FHIT: variants seen among roughly 807,000 people sequenced by gnomAD.
FHIT encodes the protein bis(5'-adenosyl)-triphosphatase.
A neutral mutation model predicts 17.9 loss-of-function variants in FHIT; 19 were observed. The ratio of observed to expected loss-of-function variants is 1.06; its 90% CI spans 0.74 to 1.56. The LOEUF (loss-of-function observed/expected upper bound fraction) is 1.56. FHIT is among the 40% of genes most tolerant of loss of function. The pLI is 0.00. For missense variants in FHIT, 248 were observed against 189.2 expected, an observed-to-expected ratio of 1.31 and a Z score of -1.82; for synonymous variants, 81 against 69.7, an observed-to-expected ratio of 1.16 and a Z score of -0.81.
In FHIT at chr3:60,296,032, C is replaced by T. The variant is rs910444029; in HGVS notation, c.103+240828G>A. On this transcript the variant is annotated intron_variant, in intron 5 of 9. Transcript: ENST00000492590. ...ATCTGATGGTTTTATAAGGAGTTTC[C>T]CCTTTCGCTTGGCTCATTCTTTCTC... Among the ~76,000 whole-genome samples, 5 of 152,170 alleles carry T rather than the reference C, an allele frequency of 3.3e-5. No individual in the cohort carries two copies. In the South Asian group the frequency reaches 1.0e-3, roughly 32 times the overall value.
chr3:60,000,344 A>G (rs1445348161), intron 7 of FHIT, among the ~76,000 whole-genome samples: 1 of 152,228 alleles, frequency 6.6e-6, no homozygotes, highest in African/African-American at 2.4e-5. Context: ...TTACAAATAA[A>G]GTTTTATTGG....
At position 60,143,138 on chromosome 3, in the gene FHIT, G is replaced by A. The variant is rs762140079; in HGVS notation, c.104-128986C>T. 2.6e-5 allele frequency among the ~76,000 whole-genome samples: 4 copies of A among 152,076 alleles called. No individual in the cohort carries two copies. The South Asian group carries it at 6.2e-4, about 24-fold the overall frequency. On this transcript the variant is annotated intron_variant, in intron 5 of 9. Coordinates refer to ENST00000492590, the MANE Select transcript of FHIT (RefSeq NM_002012.4). ...GAGTACAGTGATTTTGTTAGAGGCC[G>A]AGAACATAAGGAACTAAGGCCATGC...
intron 2 of FHIT, among the ~76,000 whole-genome samples, chr3:61,107,857 G>C (rs1481803738): frequency 6.6e-6 from 1 of 152,214 alleles, no homozygotes; most frequent in Non-Finnish European, 1.5e-5. Flanking sequence ...ATTGGTTGCA[G>C]CTGGGCGCTT....
rs569183944 is a variant in FHIT at position 60,132,958 on chromosome 3, T to C, written c.104-118806A>G. 6.6e-5 allele frequency among the ~76,000 whole-genome samples: 10 copies of C among 151,998 alleles called. No homozygotes were observed. The South Asian group carries it at 2.1e-3, about 31-fold the overall frequency. On this transcript the variant is annotated intron_variant, in intron 5 of 9. Transcript: ENST00000492590. ...AGATTACTGAAGACAAATGACATAC[T>C]GAAATAGCATCTAAAAGCGTTAATA... is the stretch of plus-strand genomic sequence containing the variant.
intron 4 of FHIT, among the ~76,000 whole-genome samples, chr3:60,814,660 A>G (rs1228046659): frequency 6.6e-6 from 1 of 152,160 alleles, no homozygotes; most frequent in Non-Finnish European, 1.5e-5. Context: ...TAGTGCTGTG[A>G]CAATGAACAT....
In FHIT at chr3:59,937,783, C is replaced by T. The variant is rs180941231; in HGVS notation, c.280-15369G>A. ...TGTGACTTCAACAAAATAAAACATTCGGCATAAATAGAATTTAGTGTAATC... is the reference window on the plus strand; with the variant it reads ...TGTGACTTCAACAAAATAAAACATTTGGCATAAATAGAATTTAGTGTAATC... On this transcript the variant is annotated intron_variant, in intron 7 of 9. Transcript: ENST00000492590. 1.5e-4 allele frequency among the ~76,000 whole-genome samples: 23 copies of T among 152,246 alleles called. No individual in the cohort carries two copies. The East Asian group carries it at 3.7e-3, about 24-fold the overall frequency.
intron 5 of FHIT, among the ~76,000 whole-genome samples, chr3:60,317,248 A>G (rs1709203052): frequency 6.6e-6 from 1 of 152,078 alleles, no homozygotes; most frequent in South Asian, 2.1e-4. Flanking sequence ...TCTACTTAAG[A>G]ACTTTTGAAA....
chr3:60,394,383 T>A lies in FHIT; in HGVS notation c.103+142477A>T, dbSNP rs528157519. On this transcript the variant is annotated intron_variant, in intron 5 of 9. Coordinates refer to ENST00000492590, the MANE Select transcript of FHIT (RefSeq NM_002012.4). ...TGCCCTGCCTCTCCTTACTTTCCAT[T>A]CTTTAAATCAAAAAACAGTACCTAC... Among the ~76,000 whole-genome samples the A allele has an allele frequency of 2.6e-5, 4 of 152,302 alleles. No individual in the cohort carries two copies. The South Asian group carries it at 8.3e-4, about 32-fold the overall frequency.
intron 5 of FHIT, among the ~76,000 whole-genome samples, chr3:60,047,249 T>TC (rs1701690962): frequency 6.6e-6 from 1 of 152,238 alleles, no homozygotes; most frequent in South Asian, 2.1e-4. Flanking sequence ...TAGAATGCTA[T>TC]CCACATTGTT....
intron 5 of FHIT, among the ~76,000 whole-genome samples, chr3:60,119,729 C>G (rs993401707): frequency 2.4e-4 from 36 of 152,262 alleles, no homozygotes; most frequent in Admixed American, 1.0e-3. Context: ...ACTGGTGACT[C>G]AATTTCTACC....
intron 5 of FHIT, among the ~76,000 whole-genome samples, chr3:60,414,826 G>T (rs145404986): frequency 1.3e-5 from 2 of 152,166 alleles, no homozygotes; most frequent in Non-Finnish European, 1.5e-5. Context: ...TATAAGTAAA[G>T]AAGATACCCT....
At chr3:61,186,277 A>C (rs1399308137) in intron 2 of FHIT, among the ~76,000 whole-genome samples, 1 of 152,180 alleles carries the variant, frequency 6.6e-6, no homozygotes, top group Non-Finnish European at 1.5e-5. Flanking sequence ...CCTGTACTCC[A>C]CTTACCCAGA....
At chr3:60,936,007 G>A (rs1263782423) in intron 3 of FHIT, among the ~76,000 whole-genome samples, 1 of 152,204 alleles carries the variant, frequency 6.6e-6, no homozygotes, top group East Asian at 1.9e-4. Context: ...CATACTGACA[G>A]AAACTTTTTT....
At chr3:61,023,598 ATAC>A (rs1365240691) in intron 3 of FHIT, among the ~76,000 whole-genome samples, 1 of 152,240 alleles carries the variant, frequency 6.6e-6, no homozygotes, top group African/African-American at 2.4e-5. Context: ...ATCTCAAACG[ATAC>A]TACAAGATTA....
chr3:60,102,619 G>C (rs1391593348), intron 5 of FHIT, among the ~76,000 whole-genome samples: 45 of 147,036 alleles, frequency 3.1e-4, no homozygotes, highest in Non-Finnish European at 5.5e-4. Flanking sequence ...TGTTAAATAA[G>C]AATAAAAAAA....
rs540425639 is a variant in FHIT, at chr3:60,152,478, G to C, written c.104-138326C>G. ...TACTTCCAGAAGGTCAAGAGATCAG[G>C]GTATGAATACCTAAGACATGTGTGT... On this transcript the variant is annotated intron_variant, in intron 5 of 9. Transcript: ENST00000492590. Among the ~76,000 whole-genome samples, 352 of 152,222 alleles carry C rather than the reference G, an allele frequency of 2.3e-3. 3 individuals carry two copies. Among genetic ancestry groups the C allele is most frequent in the Non-Finnish European group, 3.4e-3 (229 of 68,028 alleles).
At chr3:61,219,761 A>C (rs948228594) in intron 1 of FHIT, among the ~76,000 whole-genome samples, 3 of 152,168 alleles carry the variant, frequency 2.0e-5, no homozygotes, top group African/African-American at 7.2e-5. Context: ...TATCTTGCTG[A>C]TTTTTCAGAG....
chr3:60,599,862 A>G (rs76193383), intron 4 of FHIT, among the ~76,000 whole-genome samples: 7,952 of 152,096 alleles, frequency 0.052, 321 homozygotes, highest in Non-Finnish European at 0.078. Flanking sequence ...CCTCAGCACT[A>G]TTGACATTTT....
At chr3:61,212,264 G>A (rs1211641010) in intron 1 of FHIT, among the ~76,000 whole-genome samples, 1 of 152,146 alleles carries the variant, frequency 6.6e-6, no homozygotes, top group Non-Finnish European at 1.5e-5. Context: ...AAAAAATTTA[G>A]ACGATTGTAT....
Sources: gnomAD v4.1 joint callset for allele counts (sites outside exome capture counted in the v4.1 genomes callset) on GRCh38, gnomAD v4.1.1 for gene constraint, MANE v1.5 for transcripts, NCBI Gene and HGNC (gene_info 2026-07-23, HGNC 2026-07-21) for gene names.